Variants in EGF observed in about 807,000 individuals in gnomAD.
The protein encoded by EGF is epidermal growth factor, also known as pro-epidermal growth factor.
EGF carries 95 observed loss-of-function variants against 143.8 expected under a neutral mutation model. That is an observed-to-expected ratio of 0.66 (90% CI 0.56 to 0.78). The LOEUF is 0.78. Among genes scored for constraint, EGF ranks in the 30% least tolerant of loss-of-function variants. EGF has a pLI of 0.00. For synonymous variants in EGF, 510 were observed against 510.5 expected (o/e 1.00, Z 0.01); for missense variants, 1,320 against 1,470.9 (o/e 0.90, Z 1.68).
chr4:109,931,034 G>A (rs2125973981), intron 1 of EGF, among the ~76,000 whole-genome samples: 2 of 152,292 alleles, frequency 1.3e-5, no homozygotes, highest in South Asian at 2.1e-4. Context: ...CAAAACAAAT[G>A]TTGTAGGTTT....
chr4:110,002,854 T>C (rs562828168), intron 21 of EGF, among the ~76,000 whole-genome samples: 1 of 152,278 alleles, frequency 6.6e-6, no homozygotes, highest in African/African-American at 2.4e-5. Context: ...CTGTTGTTCC[T>C]TTCTTTGTGT....
intron 6 of EGF, 109 bp from the exon 7 acceptor site, chr4:109,960,758 C>A: frequency 8.1e-7 from 1 of 1,240,536 alleles, no homozygotes; most frequent in Non-Finnish European, 1.2e-6. Context: ...TGATCAATTA[C>A]AGCATATACA....
chr4:109,994,494 T>G (rs781402749), intron 19 of EGF, among the ~76,000 whole-genome samples: 24 of 152,238 alleles, frequency 1.6e-4, no homozygotes, highest in Admixed American at 1.5e-3. Flanking sequence ...GGTGTTCTTT[T>G]ACCTGCCTCC....
At position 109,999,674 on chromosome 4, in the gene EGF, C is replaced by T. The variant is rs367633636; in HGVS notation, c.3006-5C>T. 1 of 1,614,136 alleles carries T rather than the reference C, an allele frequency of 6.2e-7. No homozygotes were observed. The stretch of plus-strand genomic sequence containing the variant: ...CTGATGACCTCTGTTTGTGTGTTGT[C>T]ACAGCTGTGTTGTTGGCTACATCGG... On this transcript the variant is annotated splice_region_variant and splice_polypyrimidine_tract_variant and intron_variant, in intron 20 of 23. Transcript: ENST00000265171.
intron 18 of EGF, among the ~76,000 whole-genome samples, chr4:109,989,667 C>T (rs894994386): frequency 2.0e-5 from 3 of 152,294 alleles, no homozygotes; most frequent in Admixed American, 1.3e-4. Flanking sequence ...TGTCACTGCT[C>T]TAATTAAGCA....
At chr4:109,982,036 A>G (rs558635448) in intron 15 of EGF, among the ~76,000 whole-genome samples, 2 of 151,316 alleles carry the variant, frequency 1.3e-5, no homozygotes, top group Non-Finnish European at 3.0e-5. Context: ...AGGCTCAAAT[A>G]GCTGGGACCC....
At position 109,913,268 on chromosome 4, in the gene EGF, A is replaced by T; in HGVS notation, c.-68A>T. On this transcript the variant is annotated 5_prime_UTR_variant, in exon 1 of 24. Transcript: ENST00000265171. ...GCCGCATCTGGGGTCAATCATACTCACCTTGCCCGGGCCATGCTCCAGCAA... is the reference window on the plus strand; with the variant it reads ...GCCGCATCTGGGGTCAATCATACTCTCCTTGCCCGGGCCATGCTCCAGCAA... 6.2e-7 allele frequency: 1 copy of T among 1,603,880 alleles called. No individual in the cohort carries two copies. The highest frequency in any genetic ancestry group is 1.3e-5 in the African/African-American group (1 of 74,810).
At chr4:110,001,741 T>C in intron 21 of EGF, 1 of 985,430 alleles carries the variant, frequency 1.0e-6, no homozygotes, top group Non-Finnish European at 1.2e-6. Flanking sequence ...TTTACATACA[T>C]ATAAGAGTAT....
rs1420915050 is a variant in EGF at position 110,012,416 on chromosome 4, G to C, written c.*961G>C. ...GGATAGGATCTCACTCTGTTATCCA[G>C]GCTGGAGTGTGCAATGGCACAATCA... On this transcript the variant is annotated 3_prime_UTR_variant, in exon 24 of 24. Coordinates refer to ENST00000265171, the MANE Select transcript of EGF (RefSeq NM_001963.6). 1 of 151,288 alleles carries C rather than the reference G, an allele frequency of 6.6e-6. No individual in the cohort carries two copies. The highest frequency in any genetic ancestry group is 1.5e-5 in the Non-Finnish European group (1 of 67,928). 9.4% of individuals were successfully genotyped at this position (151,288 alleles called of 1,614,324 possible).
chr4:109,966,985 T>C (rs957095328), intron 10 of EGF, among the ~76,000 whole-genome samples: 2 of 152,222 alleles, frequency 1.3e-5, no homozygotes, highest in African/African-American at 4.8e-5. Context: ...TCTCCCATAC[T>C]GTAGGTTATC....
At chr4:109,984,961 G>A (rs925155792) in intron 16 of EGF, among the ~76,000 whole-genome samples, 4 of 152,168 alleles carry the variant, frequency 2.6e-5, no homozygotes, top group Admixed American at 6.5e-5. Flanking sequence ...GCCACAGTTA[G>A]TTGTGGAGAC....
intron 18 of EGF, among the ~76,000 whole-genome samples, chr4:109,989,188 G>A (rs1233871921): frequency 6.6e-6 from 1 of 152,196 alleles, no homozygotes; most frequent in Non-Finnish European, 1.5e-5. Context: ...AGTTCAATAG[G>A]TGGGAGAGTC....
intron 5 of EGF, among the ~76,000 whole-genome samples, chr4:109,953,850 G>A (rs866497632): frequency 1.1e-4 from 17 of 152,126 alleles, no homozygotes; most frequent in African/African-American, 4.1e-4. Flanking sequence ...GGGGTGCGGT[G>A]GTGACAATGG....
At chr4:109,921,304 T>G (rs1330797841) in intron 1 of EGF, among the ~76,000 whole-genome samples, 1 of 150,064 alleles carries the variant, frequency 6.7e-6, no homozygotes. Flanking sequence ...TCTACTCTCA[T>G]CACCTGTTGA....
chr4:109,975,989 G>A, intron 12 of EGF, 23 bp from the exon 13 acceptor site: 1 of 1,597,424 alleles, frequency 6.3e-7, no homozygotes, highest in Non-Finnish European at 8.6e-7. Context: ...GATATTATTT[G>A]TTGTGTGCTT....
intron 1 of EGF, among the ~76,000 whole-genome samples, chr4:109,939,677 G>A (rs111977782): frequency 1.1e-4 from 16 of 152,250 alleles, no homozygotes; most frequent in African/African-American, 3.1e-4. Flanking sequence ...TCTTGGAAGC[G>A]CCAACCCTCT....
intron 10 of EGF, among the ~76,000 whole-genome samples, chr4:109,968,394 A>G (rs531337993): frequency 1.3e-5 from 2 of 152,292 alleles, no homozygotes; most frequent in Admixed American, 1.3e-4. Flanking sequence ...CTTGACTTGC[A>G]GTGAAGTGGG....
At chr4:110,011,072 G>A (rs1753934103) in intron 23 of EGF, 130 bp from the exon 24 acceptor site, 3 of 1,043,210 alleles carry the variant, frequency 2.9e-6, no homozygotes. Flanking sequence ...TGTGTCTAGA[G>A]TAGTTTGAAA....
chr4:109,939,144 C>A (rs553439474), intron 1 of EGF, among the ~76,000 whole-genome samples: 117 of 152,346 alleles, frequency 7.7e-4, no homozygotes, highest in South Asian at 1.9e-3. Context: ...TCTAAAGGGG[C>A]AGTAGGCCTT....
Sources: allele counts gnomAD v4.1 joint callset (sites outside exome capture counted in the v4.1 genomes callset), GRCh38; gene constraint gnomAD v4.1.1; transcripts MANE v1.5; gene names NCBI Gene and HGNC (gene_info 2026-07-23, HGNC 2026-07-21).